LRRC4C: variants seen among roughly 807,000 people sequenced by gnomAD.
LRRC4C encodes leucine-rich repeat-containing protein 4C.
LRRC4C carries 5 observed loss-of-function variants against 33.6 expected under a neutral mutation model. The observed-to-expected ratio is 0.15, with a 90% CI of 0.08 to 0.31. The LOEUF is 0.31. Ranked by LOEUF, LRRC4C falls within the 10% of genes least tolerant of loss-of-function variation. The pLI is 1.00. For synonymous variants in LRRC4C, 329 were observed against 302.0 expected, an observed-to-expected ratio of 1.09 and a Z score of -0.93; for missense variants, 560 against 796.7, an observed-to-expected ratio of 0.70 and a Z score of 3.58.
chr11:41,333,222 C>A (rs1951350011), intron 1 of LRRC4C, among the ~76,000 whole-genome samples: 1 of 152,106 alleles, frequency 6.6e-6, no homozygotes, highest in African/African-American at 2.4e-5. Context: ...GGCATAATGT[C>A]TATTATTTTG....
intron 2 of LRRC4C, among the ~76,000 whole-genome samples, chr11:40,833,605 CA>C (rs545525135): frequency 2.6e-5 from 4 of 151,828 alleles, no homozygotes; most frequent in Non-Finnish European, 5.9e-5. Flanking sequence ...TATCCATTAG[CA>C]AAATTATAAA....
chr11:40,370,963 G>A (rs1347638389), intron 3 of LRRC4C, among the ~76,000 whole-genome samples: 1 of 151,864 alleles, frequency 6.6e-6, no homozygotes, highest in Non-Finnish European at 1.5e-5. Flanking sequence ...AAGTTTTAAC[G>A]TGAAATGAGT....
chr11:40,486,124 A>G (rs1337164972), intron 3 of LRRC4C, among the ~76,000 whole-genome samples: 1 of 151,042 alleles, frequency 6.6e-6, no homozygotes, highest in East Asian at 1.9e-4. Context: ...ACAAACCTGC[A>G]CATGTATCCC....
In LRRC4C at chr11:41,152,622, T is replaced by G. The variant is rs114998886; in HGVS notation, c.-495-218899A>C. Among the ~76,000 whole-genome samples, 947 of 152,270 alleles carry G rather than the reference T, an allele frequency of 6.2e-3. 15 individuals carry two copies. The highest frequency in any genetic ancestry group is 0.022 in the African/African-American group (899 of 41,550). On this transcript the variant is annotated intron_variant, in intron 1 of 6. Transcript: ENST00000528697. The stretch of plus-strand genomic sequence containing the variant: ...ACATATGGTAATTCACCTCCAAAAT[T>G]CACCCATTTATGTCCCTAAATATCT...
chr11:40,630,236 GA>G (rs1217990628), intron 3 of LRRC4C, among the ~76,000 whole-genome samples: 2 of 151,900 alleles, frequency 1.3e-5, no homozygotes, highest in African/African-American at 4.8e-5. Flanking sequence ...ATCACATTGG[GA>G]AAAAATATGA....
intron 1 of LRRC4C, among the ~76,000 whole-genome samples, chr11:41,324,473 A>C (rs945940125): frequency 2.0e-4 from 31 of 152,220 alleles, no homozygotes; most frequent in African/African-American, 7.5e-4. Flanking sequence ...GAGGAAGAGG[A>C]GTTGAAACTA....
chr11:40,311,851 A>C (rs935290725), intron 4 of LRRC4C, among the ~76,000 whole-genome samples: 1 of 149,634 alleles, frequency 6.7e-6, no homozygotes, highest in Non-Finnish European at 1.5e-5. Flanking sequence ...AGGCTGAGGC[A>C]GGAGAATTGC....
At chr11:41,359,804 C>G (rs1042305181) in intron 1 of LRRC4C, among the ~76,000 whole-genome samples, 20 of 152,122 alleles carry the variant, frequency 1.3e-4, no homozygotes, top group African/African-American at 4.6e-4. Flanking sequence ...CTTTGCAATT[C>G]CATAGCCTGC....
At chr11:41,397,166 T>TA (rs1953851233) in intron 1 of LRRC4C, among the ~76,000 whole-genome samples, 1 of 152,014 alleles carries the variant, frequency 6.6e-6, no homozygotes, top group Non-Finnish European at 1.5e-5. Context: ...ATAAAGCAGT[T>TA]GACCCTCTAA....
intron 2 of LRRC4C, among the ~76,000 whole-genome samples, chr11:40,686,965 A>G (rs764532959): frequency 6.6e-6 from 1 of 152,116 alleles, no homozygotes; most frequent in Non-Finnish European, 1.5e-5. Flanking sequence ...CTCAGGCCAC[A>G]CGCAAGACTT....
intron 1 of LRRC4C, among the ~76,000 whole-genome samples, chr11:41,056,365 A>G (rs750161169): frequency 1.8e-4 from 28 of 152,232 alleles, no homozygotes; most frequent in Non-Finnish European, 3.8e-4. Flanking sequence ...CAAAGATTTC[A>G]TGAGAAAGAC....
intron 1 of LRRC4C, among the ~76,000 whole-genome samples, chr11:41,219,789 A>G (rs1330935529): frequency 6.6e-6 from 1 of 152,154 alleles, no homozygotes; most frequent in Non-Finnish European, 1.5e-5. Flanking sequence ...TGAATAAATA[A>G]TTTTATTCAG....
At chr11:40,432,210 A>G (rs577630987) in intron 3 of LRRC4C, among the ~76,000 whole-genome samples, 2 of 151,880 alleles carry the variant, frequency 1.3e-5, no homozygotes, top group East Asian at 1.9e-4. Context: ...CTTCTTTGAC[A>G]TGCCTCTTGC....
chr11:40,201,937 T>C (rs1337651428), intron 5 of LRRC4C, among the ~76,000 whole-genome samples: 1 of 152,130 alleles, frequency 6.6e-6, no homozygotes, highest in African/African-American at 2.4e-5. Flanking sequence ...ATCAGTTGTT[T>C]AGATGAAAGT....
intron 3 of LRRC4C, among the ~76,000 whole-genome samples, chr11:40,536,580 T>C (rs1186858631): frequency 6.6e-6 from 1 of 152,176 alleles, no homozygotes; most frequent in East Asian, 1.9e-4. Context: ...ATATTACTTT[T>C]TCCTTTCCTT....
intron 1 of LRRC4C, among the ~76,000 whole-genome samples, chr11:41,382,195 G>A (rs1239819098): frequency 6.6e-6 from 1 of 151,754 alleles, no homozygotes; most frequent in East Asian, 1.9e-4. Context: ...ATAACAATCA[G>A]AAGATCTTAA....
chr11:40,343,926 T>C (rs1177246745), intron 3 of LRRC4C, among the ~76,000 whole-genome samples: 1 of 151,892 alleles, frequency 6.6e-6, no homozygotes, highest in East Asian at 1.9e-4. Flanking sequence ...CCTAGAGACA[T>C]ACAACATTTG....
At chr11:40,764,511 G>T (rs1051589815) in intron 2 of LRRC4C, among the ~76,000 whole-genome samples, 1 of 152,230 alleles carries the variant, frequency 6.6e-6, no homozygotes, top group Middle Eastern at 3.4e-3. Context: ...CAGCATTTTG[G>T]GATCCACCTT....
intron 1 of LRRC4C, among the ~76,000 whole-genome samples, chr11:41,200,757 A>G (rs1375005022): frequency 1.3e-5 from 2 of 152,182 alleles, no homozygotes; most frequent in African/African-American, 4.8e-5. Flanking sequence ...ATTTTCTTTT[A>G]AAACAGTATT....
Sources: gnomAD v4.1 joint callset for allele counts (sites outside exome capture counted in the v4.1 genomes callset) on GRCh38, gnomAD v4.1.1 for gene constraint, MANE v1.5 for transcripts, NCBI Gene and HGNC (gene_info 2026-07-23, HGNC 2026-07-21) for gene names.